KCNAB1: variants seen among roughly 807,000 people sequenced by gnomAD.
KCNAB1 encodes the protein voltage-gated potassium channel subunit beta-1.
A neutral mutation model predicts 64.6 loss-of-function variants in KCNAB1; 35 were observed. The observed-to-expected ratio is 0.54, with a 90% confidence interval of 0.41 to 0.72. The LOEUF is 0.72. Among genes scored for constraint, KCNAB1 ranks in the 30% least tolerant of loss-of-function variants. The pLI is 0.00. For synonymous variants in KCNAB1, 177 were observed against 183.8 expected (o/e 0.96, Z 0.30); for missense variants, 401 against 512.9 (o/e 0.78, Z 2.11).
intron 1 of KCNAB1, among the ~76,000 whole-genome samples, chr3:156,141,630 C>T (rs371136242): frequency 1.1e-4 from 17 of 151,638 alleles, no homozygotes; most frequent in Non-Finnish European, 2.2e-4. Flanking sequence ...AGTGGTATTT[C>T]GTAGTATGAA....
At chr3:156,401,395 A>G (rs1713879654) in intron 1 of KCNAB1, among the ~76,000 whole-genome samples, 1 of 152,254 alleles carries the variant, frequency 6.6e-6, no homozygotes, top group South Asian at 2.1e-4. Flanking sequence ...GAAAGTGTAC[A>G]TCATGAATCA....
chr3:156,125,507 G>C (rs562869626), intron 1 of KCNAB1, among the ~76,000 whole-genome samples: 1 of 152,304 alleles, frequency 6.6e-6, no homozygotes, highest in Admixed American at 6.5e-5. Flanking sequence ...CATTTCAAAC[G>C]ATAGTTGACT....
At chr3:156,187,837 G>C (rs1027142024) in intron 1 of KCNAB1, among the ~76,000 whole-genome samples, 3 of 152,204 alleles carry the variant, frequency 2.0e-5, no homozygotes, top group African/African-American at 7.2e-5. Flanking sequence ...CTGGCTTACA[G>C]CTTCAAATCT....
At chr3:156,536,622 T>C (rs1034730608) in intron 13 of KCNAB1, 36 bp from the exon 14 acceptor site, 1 of 1,409,040 alleles carries the variant, frequency 7.1e-7, no homozygotes, top group African/African-American at 1.4e-5. Flanking sequence ...TCAACACTGC[T>C]AACAATATCC....
At chr3:156,205,975 G>C (rs961843200) in intron 1 of KCNAB1, among the ~76,000 whole-genome samples, 1 of 152,170 alleles carries the variant, frequency 6.6e-6, no homozygotes, top group South Asian at 2.1e-4. Context: ...TGTACATGCT[G>C]TTTTGTTTGC....
intron 1 of KCNAB1, chr3:156,291,519 G>C (rs938810560): frequency 9.3e-7 from 1 of 1,073,068 alleles, no homozygotes; most frequent in Non-Finnish European, 1.1e-6. Flanking sequence ...GACCGGCTCC[G>C]CGAAGGGCTG....
chr3:156,506,905 C>G (rs1290609016), intron 8 of KCNAB1, among the ~76,000 whole-genome samples: 2 of 152,108 alleles, frequency 1.3e-5, no homozygotes, highest in African/African-American at 4.8e-5. Context: ...AAAGAAAGCT[C>G]ATATTTCCCA....
intron 1 of KCNAB1, among the ~76,000 whole-genome samples, chr3:156,223,060 C>T (rs1395918802): frequency 6.6e-6 from 1 of 152,202 alleles, no homozygotes; most frequent in Admixed American, 6.5e-5. Flanking sequence ...GCCACGGACC[C>T]TCACAGTGAG....
intron 2 of KCNAB1, among the ~76,000 whole-genome samples, chr3:156,445,758 C>T (rs3732515): frequency 0.2 from 31,081 of 152,150 alleles, 6,284 homozygotes; most frequent in African/African-American, 0.52. Flanking sequence ...GAGGAAGTCA[C>T]AGCCAAAAAT....
At chr3:156,255,176 A>T (rs2108470404) in intron 1 of KCNAB1, among the ~76,000 whole-genome samples, 1 of 152,304 alleles carries the variant, frequency 6.6e-6, no homozygotes. Context: ...AACCGCTTTC[A>T]TTCTAGCTCC....
At chr3:156,176,697 C>T in intron 1 of KCNAB1, 1 of 1,010,746 alleles carries the variant, frequency 9.9e-7, no homozygotes, top group East Asian at 2.4e-5. Context: ...GAACTTGCAG[C>T]AGTATACTTC....
chr3:156,120,262 C>T (rs987135465), upstream of KCNAB1, among the ~76,000 whole-genome samples: 7 of 152,170 alleles, frequency 4.6e-5, no homozygotes, highest in Non-Finnish European at 8.8e-5. Context: ...TTTACCAAAC[C>T]TATATGACCA....
intron 1 of KCNAB1, among the ~76,000 whole-genome samples, chr3:156,192,016 C>T (rs1713592379): frequency 6.6e-6 from 1 of 152,172 alleles, no homozygotes; most frequent in Non-Finnish European, 1.5e-5. Flanking sequence ...TATTTCCAGG[C>T]ACCACTGATC....
At chr3:156,387,442 C>G (rs967889039) in intron 1 of KCNAB1, among the ~76,000 whole-genome samples, 7 of 152,138 alleles carry the variant, frequency 4.6e-5, no homozygotes, top group African/African-American at 1.7e-4. Flanking sequence ...AATGCACAGT[C>G]CTATCTTTTA....
chr3:156,410,629 T>A (rs1045164701), intron 1 of KCNAB1, among the ~76,000 whole-genome samples: 2 of 152,304 alleles, frequency 1.3e-5, no homozygotes, highest in African/African-American at 2.4e-5. Flanking sequence ...CACTTTGTAG[T>A]CAAGCTCTCC....
chr3:156,415,577 C>G (rs1225867664), intron 1 of KCNAB1, among the ~76,000 whole-genome samples: 6 of 152,162 alleles, frequency 3.9e-5, no homozygotes, highest in Admixed American at 6.5e-5. Context: ...TCGCTGCGCT[C>G]TATCTCATGG....
At chr3:156,204,889 A>C (rs1300324406) in intron 1 of KCNAB1, among the ~76,000 whole-genome samples, 7 of 152,186 alleles carry the variant, frequency 4.6e-5, no homozygotes, top group Admixed American at 4.6e-4. Flanking sequence ...GGGCAAGCTA[A>C]GTTGGGCAGC....
chr3:156,404,747 C>T (rs567169362), intron 1 of KCNAB1, among the ~76,000 whole-genome samples: 3 of 152,330 alleles, frequency 2.0e-5, no homozygotes, highest in African/African-American at 4.8e-5. Context: ...GAGGTCCTTG[C>T]TGCTGATTCC....
intron 1 of KCNAB1, among the ~76,000 whole-genome samples, chr3:156,301,401 C>T (rs776635492): frequency 3.4e-4 from 52 of 152,138 alleles, no homozygotes; most frequent in Non-Finnish European, 3.7e-4. Flanking sequence ...TGTATATGCA[C>T]AAGCACGTCT....
Sources: allele counts gnomAD v4.1 joint callset (sites outside exome capture counted in the v4.1 genomes callset), GRCh38; gene constraint gnomAD v4.1.1; transcripts MANE v1.5; gene names NCBI Gene and HGNC (gene_info 2026-07-23, HGNC 2026-07-21).